The following MYO1B variants were observed in gnomAD, a reference collection of about 807,000 sequenced individuals.
MYO1B encodes the protein myosin IB, also known as unconventional myosin-Ib.
In MYO1B, 72 loss-of-function variants were observed where a neutral mutation model predicts 159.7. That is an observed-to-expected ratio of 0.45 (90% CI 0.37 to 0.55). The LOEUF is 0.55. MYO1B is among the 20% of genes least tolerant of loss of function. MYO1B has a pLI of 0.00. For missense variants in MYO1B, 1,062 were observed against 1,364.8 expected (o/e 0.78, Z 3.50); for synonymous variants, 468 against 473.8 (o/e 0.99, Z 0.16).
intron 1 of MYO1B, among the ~76,000 whole-genome samples, chr2:191,257,047 C>G (rs971000049): frequency 1.2e-4 from 18 of 152,152 alleles, no homozygotes; most frequent in African/African-American, 4.1e-4. Flanking sequence ...TCTTCCTCCC[C>G]CTTCCCCTTG....
chr2:191,361,963 T>C (rs561620438), intron 8 of MYO1B, among the ~76,000 whole-genome samples: 1 of 152,210 alleles, frequency 6.6e-6, no homozygotes, highest in South Asian at 2.1e-4. Context: ...TGAAATAATA[T>C]ATTGAATCAC....
chr2:191,288,043 T>A (rs1484485191), intron 2 of MYO1B, among the ~76,000 whole-genome samples: 2 of 152,124 alleles, frequency 1.3e-5, no homozygotes, highest in Non-Finnish European at 2.9e-5. Flanking sequence ...CAGAATTCCC[T>A]TCCTTTTTAA....
At chr2:191,283,844 G>A (rs1410192022) in intron 2 of MYO1B, among the ~76,000 whole-genome samples, 1 of 152,194 alleles carries the variant, frequency 6.6e-6, no homozygotes, top group Admixed American at 6.5e-5. Context: ...AGAATGTGTA[G>A]GTTTGGAATG....
intron 19 of MYO1B, 97 bp downstream of exon 19, chr2:191,392,298 AC>A: frequency 1.2e-6 from 1 of 800,042 alleles, no homozygotes; most frequent in Non-Finnish European, 2.0e-6. Context: ...ATGAGGGGCC[AC>A]CATGAATGCC....
intron 24 of MYO1B, among the ~76,000 whole-genome samples, chr2:191,403,250 C>G (rs1447305910): frequency 6.6e-6 from 1 of 152,172 alleles, no homozygotes; most frequent in East Asian, 1.9e-4. Context: ...TTCAGAGATT[C>G]AGAGATCAGT....
In MYO1B at chr2:191,423,978, C is replaced by T; in HGVS notation, c.*18C>T. On this transcript the variant is annotated 3_prime_UTR_variant, in exon 31 of 31. Coordinates refer to ENST00000392318, the MANE Select transcript of MYO1B (RefSeq NM_001130158.3). Reference sequence around the variant, plus strand: ...TCCCTTAACTGGCGCCTCCTCTCTACTTTCATGGACTTGTTCCTTTGTAAT... The same window carrying T: ...TCCCTTAACTGGCGCCTCCTCTCTATTTTCATGGACTTGTTCCTTTGTAAT... The T allele has an allele frequency of 1.2e-6, 2 of 1,610,424 alleles. No individual in the cohort carries two copies. Among genetic ancestry groups the T allele is most frequent in the Non-Finnish European group, 1.7e-6 (2 of 1,178,632 alleles).
chr2:191,276,272 T>C (rs1049787035), intron 1 of MYO1B, among the ~76,000 whole-genome samples: 2 of 152,236 alleles, frequency 1.3e-5, no homozygotes, highest in African/African-American at 4.8e-5. Flanking sequence ...GATGCCATGT[T>C]AGACGTGGTA....
intron 20 of MYO1B, among the ~76,000 whole-genome samples, chr2:191,395,905 A>G (rs1361896518): frequency 6.6e-6 from 1 of 152,264 alleles, no homozygotes; most frequent in Non-Finnish European, 1.5e-5. Flanking sequence ...CTTTATGCAT[A>G]GTAGAGGCTC....
intron 18 of MYO1B, among the ~76,000 whole-genome samples, chr2:191,391,484 G>C (rs904577136): frequency 1.1e-4 from 16 of 151,868 alleles, no homozygotes; most frequent in African/African-American, 3.9e-4. Flanking sequence ...GCTAATTTCC[G>C]GGGTATTATG....
intron 4 of MYO1B, among the ~76,000 whole-genome samples, chr2:191,341,073 C>A (rs1205398342): frequency 6.6e-6 from 1 of 152,116 alleles, no homozygotes; most frequent in Non-Finnish European, 1.5e-5. Flanking sequence ...TGAAGAAGAG[C>A]AGTCTTTTAA....
intron 1 of MYO1B, among the ~76,000 whole-genome samples, chr2:191,271,208 T>C (rs1483508723): frequency 4.6e-5 from 7 of 152,334 alleles, no homozygotes; most frequent in African/African-American, 1.7e-4. Context: ...CTTGTTACTA[T>C]GCGAAGAAGA....
chr2:191,351,328 G>A (rs544106554), intron 7 of MYO1B, among the ~76,000 whole-genome samples: 1 of 152,148 alleles, frequency 6.6e-6, no homozygotes, highest in Non-Finnish European at 1.5e-5. Context: ...GACCTGATCT[G>A]GTTGAAGAGG....
At chr2:191,280,483 T>C (rs1020516774) in intron 2 of MYO1B, among the ~76,000 whole-genome samples, 2 of 152,184 alleles carry the variant, frequency 1.3e-5, no homozygotes, top group African/African-American at 4.8e-5. Flanking sequence ...CATTCCAGGC[T>C]TTGCATTCCC....
chr2:191,253,937 A>G (rs549527391), intron 1 of MYO1B, among the ~76,000 whole-genome samples: 4 of 152,154 alleles, frequency 2.6e-5, no homozygotes, highest in Non-Finnish European at 5.9e-5. Context: ...ATCATTTTGT[A>G]TGTAAAACTC....
At chr2:191,331,578 A>G (rs563484188) in intron 4 of MYO1B, among the ~76,000 whole-genome samples, 1 of 152,278 alleles carries the variant, frequency 6.6e-6, no homozygotes, top group Admixed American at 6.5e-5. Flanking sequence ...CTTTTCTTCA[A>G]ATTTTCTCAT....
intron 27 of MYO1B, among the ~76,000 whole-genome samples, chr2:191,412,105 A>C (rs183495758): frequency 2.0e-3 from 300 of 152,318 alleles, no homozygotes; most frequent in African/African-American, 7.1e-3. Context: ...TAAATTGTAC[A>C]ACTTCATTGG....
In MYO1B at chr2:191,383,349, A is replaced by G. The variant is rs1162488130; in HGVS notation, c.1353+7A>G. ...TTGTGACCTAATAGAAAATGTGAGT[A>G]CTTAGGTACAGTTTTCTAAAGAATG... On this transcript the variant is annotated splice_region_variant and intron_variant, in intron 15 of 30. Coordinates refer to ENST00000392318, the MANE Select transcript of MYO1B (RefSeq NM_001130158.3). 1 of 1,551,276 alleles carries G rather than the reference A, an allele frequency of 6.4e-7. No individual in the cohort carries two copies. The highest frequency in any genetic ancestry group is 2.4e-5 in the East Asian group (1 of 40,914).
intron 7 of MYO1B, among the ~76,000 whole-genome samples, chr2:191,358,907 A>G (rs1300486712): frequency 6.6e-6 from 1 of 152,264 alleles, no homozygotes; most frequent in Non-Finnish European, 1.5e-5. Flanking sequence ...ACTTCTTCCC[A>G]AATCGCTGGC....
At chr2:191,299,264 A>G (rs537373778) in intron 3 of MYO1B, among the ~76,000 whole-genome samples, 13 of 152,324 alleles carry the variant, frequency 8.5e-5, no homozygotes, top group Admixed American at 6.5e-4. Flanking sequence ...GCACTAAAAT[A>G]AAATACATTC....
Sources: allele counts gnomAD v4.1 joint callset (sites outside exome capture counted in the v4.1 genomes callset), GRCh38; gene constraint gnomAD v4.1.1; transcripts MANE v1.5; gene names NCBI Gene and HGNC (gene_info 2026-07-23, HGNC 2026-07-21).